Variants in ATF7IP observed in about 807,000 individuals in gnomAD.
The protein encoded by ATF7IP is activating transcription factor 7-interacting protein 1.
Under a neutral mutation model 106.4 loss-of-function variants are expected in ATF7IP, and 23 were observed. The ratio of observed to expected loss-of-function variants is 0.22; its 90% CI spans 0.16 to 0.31. ATF7IP has a LOEUF of 0.31. ATF7IP is among the 10% of genes least tolerant of loss of function. ATF7IP has a pLI of 1.00. For missense variants in ATF7IP, 1,334 were observed against 1,524.3 expected (o/e 0.88, Z 2.08); for synonymous variants, 542 against 539.0 (o/e 1.01, Z -0.08).
intron 10 of ATF7IP, among the ~76,000 whole-genome samples, chr12:14,470,491 A>G (rs1943997150): frequency 6.6e-6 from 1 of 152,234 alleles, no homozygotes; most frequent in Non-Finnish European, 1.5e-5. Flanking sequence ...GTAAAGATAC[A>G]TGTATATGTA....
intron 1 of ATF7IP, among the ~76,000 whole-genome samples, chr12:14,380,167 G>A (rs1938939201): frequency 6.6e-6 from 1 of 151,842 alleles, no homozygotes; most frequent in South Asian, 2.1e-4. Flanking sequence ...CTTTTCTATA[G>A]CATTCTATTC....
chr12:14,434,574 A>G (rs1012381485), intron 3 of ATF7IP, 151 bp downstream of exon 3: 3 of 586,982 alleles, frequency 5.1e-6, no homozygotes, highest in African/African-American at 2.0e-5. Context: ...GGCTAACTGA[A>G]GGATTTCTGA....
chr12:14,412,849 A>G (rs1232468881), intron 1 of ATF7IP, among the ~76,000 whole-genome samples: 1 of 152,154 alleles, frequency 6.6e-6, no homozygotes, highest in Non-Finnish European at 1.5e-5. Flanking sequence ...CCCCGTCTCT[A>G]CTAAAAATAC....
chr12:14,486,886 A>T (rs1195383198), intron 13 of ATF7IP, among the ~76,000 whole-genome samples: 3 of 152,140 alleles, frequency 2.0e-5, no homozygotes, highest in South Asian at 4.2e-4. Flanking sequence ...CTTCAAAGAT[A>T]CAAGTGCTGC....
At chr12:14,486,291 T>C (rs1026390978) in intron 13 of ATF7IP, among the ~76,000 whole-genome samples, 5 of 152,156 alleles carry the variant, frequency 3.3e-5, no homozygotes, top group Non-Finnish European at 7.4e-5. Context: ...CAATGTAAGC[T>C]CAGAACCAGT....
intron 1 of ATF7IP, among the ~76,000 whole-genome samples, chr12:14,411,261 A>G (rs1006969030): frequency 5.9e-5 from 9 of 152,142 alleles, no homozygotes; most frequent in African/African-American, 1.2e-4. Context: ...GAAGGTTCCA[A>G]TTTATCCATA....
chr12:14,475,786 C>CATTTGTCTGACAAACTCTCTTTATT, intron 10 of ATF7IP, 104 bp from the exon 11 acceptor site: 1 of 794,680 alleles, frequency 1.3e-6, no homozygotes, highest in East Asian at 2.8e-5. Context: ...CCAGATTGAA[C>CATTTGTCTGACAAACTCTCTTTATT]CAGGTTACTC....
intron 13 of ATF7IP, among the ~76,000 whole-genome samples, chr12:14,493,193 T>C (rs1460296380): frequency 6.6e-6 from 1 of 152,170 alleles, no homozygotes; most frequent in Non-Finnish European, 1.5e-5. Context: ...AATCAAGAAA[T>C]TCAGCCTGAT....
intron 1 of ATF7IP, among the ~76,000 whole-genome samples, chr12:14,371,902 A>G (rs948554506): frequency 6.6e-6 from 1 of 152,122 alleles, no homozygotes; most frequent in African/African-American, 2.4e-5. Flanking sequence ...ACATGTATAA[A>G]GAAGCTTGAG....
At chr12:14,379,989 TTG>T (rs368304978) in intron 1 of ATF7IP, among the ~76,000 whole-genome samples, 3 of 151,470 alleles carry the variant, frequency 2.0e-5, no homozygotes, top group Non-Finnish European at 4.4e-5. Flanking sequence ...GGTGATGTAT[TTG>T]TGTGTGTGTG....
intron 5 of ATF7IP, among the ~76,000 whole-genome samples, chr12:14,445,644 C>T (rs1046125152): frequency 2.6e-5 from 4 of 152,166 alleles, no homozygotes; most frequent in Admixed American, 1.3e-4. Flanking sequence ...CTTTGAGAGT[C>T]ATAGGTAACT....
intron 1 of ATF7IP, among the ~76,000 whole-genome samples, chr12:14,403,584 G>C (rs775068390): frequency 6.6e-6 from 1 of 152,176 alleles, no homozygotes; most frequent in Non-Finnish European, 1.5e-5. Flanking sequence ...AATGGCTTCA[G>C]ACTCTTTATG....
intron 8 of ATF7IP, among the ~76,000 whole-genome samples, chr12:14,460,271 C>T (rs78341150): frequency 6.6e-6 from 1 of 152,012 alleles, no homozygotes; most frequent in Admixed American, 6.6e-5. Flanking sequence ...AATCATCGAT[C>T]ATGTGCTGTT....
intron 1 of ATF7IP, among the ~76,000 whole-genome samples, chr12:14,388,011 T>A (rs746774634): frequency 1.5e-5 from 2 of 130,006 alleles, no homozygotes; most frequent in African/African-American, 3.2e-5. Context: ...CCTTTCATTC[T>A]TTCTTTTTTT....
At chr12:14,439,759 G>T (rs978962791) in intron 5 of ATF7IP, among the ~76,000 whole-genome samples, 2 of 152,102 alleles carry the variant, frequency 1.3e-5, no homozygotes, top group East Asian at 1.9e-4. Flanking sequence ...CTTGAACCTG[G>T]GAGGTGGAGG....
At chr12:14,372,359 A>T (rs1938566737) in intron 1 of ATF7IP, among the ~76,000 whole-genome samples, 1 of 151,834 alleles carries the variant, frequency 6.6e-6, no homozygotes, top group African/African-American at 2.4e-5. Context: ...GATCAGGGCT[A>T]CTAGTGCTTG....
intron 13 of ATF7IP, among the ~76,000 whole-genome samples, chr12:14,492,767 C>T (rs1394049069): frequency 6.6e-6 from 1 of 152,166 alleles, no homozygotes; most frequent in African/African-American, 2.4e-5. Context: ...CACCACTTGG[C>T]CCCTGCCAAC....
intron 1 of ATF7IP, among the ~76,000 whole-genome samples, chr12:14,422,311 A>G (rs1481439248): frequency 1.0e-5 from 1 of 96,892 alleles, no homozygotes; most frequent in Non-Finnish European, 2.0e-5. Flanking sequence ...AAAAAAGAGA[A>G]TACACACACA....
chr12:14,469,589 A>G (rs1943962904), intron 10 of ATF7IP, among the ~76,000 whole-genome samples: 1 of 149,104 alleles, frequency 6.7e-6, no homozygotes, highest in African/African-American at 2.4e-5. Flanking sequence ...TATAGTGAAA[A>G]ACAAATTTAT....
Sources: allele counts gnomAD v4.1 joint callset (sites outside exome capture counted in the v4.1 genomes callset), GRCh38; gene constraint gnomAD v4.1.1; transcripts MANE v1.5; gene names NCBI Gene and HGNC (gene_info 2026-07-23, HGNC 2026-07-21).